Variants in ADAMTS13 observed in about 807,000 individuals in gnomAD.
ADAMTS13 encodes the protein A disintegrin and metalloproteinase with thrombospondin motifs 13.
In ADAMTS13, 110 loss-of-function variants were observed where a neutral mutation model predicts 155.1. The observed-to-expected ratio is 0.71, with a 90% CI of 0.61 to 0.83. ADAMTS13 has a LOEUF of 0.83. Among genes scored for constraint, ADAMTS13 ranks in the 40% least tolerant of loss-of-function variants. ADAMTS13 has a pLI of 0.00. For synonymous variants in ADAMTS13, 758 were observed against 756.4 expected (o/e 1.00, Z -0.03); for missense variants, 1,707 against 1,891.7 (o/e 0.90, Z 1.81).
At position 133,422,568 on chromosome 9, in the gene ADAMTS13, C is replaced by CG. The variant is rs781884204; in HGVS notation, c.105+25dup. Reference sequence around the variant, plus strand: ...CAGCAGGTGGGCTCATTTGCAGGAGCGGGGGTATTCTGGGAGCCTCTGGGT... The same window carrying CG: ...CAGCAGGTGGGCTCATTTGCAGGAGCGGGGGGTATTCTGGGAGCCTCTGGGT... On this transcript the variant is annotated intron_variant, in intron 1 of 28. Coordinates refer to ENST00000355699, the MANE Select transcript of ADAMTS13 (RefSeq NM_139027.6). 8.1e-6 allele frequency: 13 copies of CG among 1,612,482 alleles called. No homozygotes were observed. In the East Asian group the frequency reaches 8.9e-5, roughly 11 times the overall value.
At chr9:133,433,236 G>A (rs1185509063) in intron 9 of ADAMTS13, 142 bp from the exon 10 acceptor site, 29 of 1,130,514 alleles carry the variant, frequency 2.6e-5, no homozygotes, top group Non-Finnish European at 3.7e-5. Context: ...TGAGTTCCTT[G>A]TGTGTGTTTG....
chr9:133,426,379 GCAAGGAGCTGACC>G (rs1385033318), intron 6 of ADAMTS13, 34 bp downstream of exon 6: 4 of 1,598,476 alleles, frequency 2.5e-6, no homozygotes, highest in Admixed American at 1.7e-5. Context: ...CCAGGATCTG[GCAAGGAGCTGACC>G]TGGGTACCCA....
chr9:133,435,024 G>A (rs914637037), intron 11 of ADAMTS13, among the ~76,000 whole-genome samples: 3 of 152,120 alleles, frequency 2.0e-5, no homozygotes, highest in African/African-American at 4.8e-5. Context: ...TCATCCAGTC[G>A]TCTGCTGATG....
At chr9:133,430,267 T>C in intron 8 of ADAMTS13, 166 bp downstream of exon 8, 1 of 914,548 alleles carries the variant, frequency 1.1e-6, no homozygotes, top group Non-Finnish European at 1.7e-6. Flanking sequence ...CTAGAAATTA[T>C]TTAAAATGTT....
chr9:133,442,804 G>A, intron 18 of ADAMTS13, 61 bp downstream of exon 18: 1 of 1,554,760 alleles, frequency 6.4e-7, no homozygotes, highest in Non-Finnish European at 8.7e-7. Flanking sequence ...GGGGCTGCTG[G>A]GCTCTGTCCC....
upstream of ADAMTS13, chr9:133,417,691 C>A: frequency 6.2e-7 from 1 of 1,614,146 alleles, no homozygotes; most frequent in South Asian, 1.1e-5. Flanking sequence ...GCACCGGGGC[C>A]GCTTGCTGGC....
At chr9:133,430,727 C>G (rs1294574570) in intron 8 of ADAMTS13, among the ~76,000 whole-genome samples, 3 of 144,812 alleles carry the variant, frequency 2.1e-5, no homozygotes, top group African/African-American at 7.9e-5. Context: ...GAGTCTCCCT[C>G]TCTGCTCACT....
Position 133,448,618 on chromosome 9 carries a change from C to A in ADAMTS13, c.2751C>A (p.Phe917Leu). The A allele has an allele frequency of 6.2e-7, 1 of 1,610,502 alleles. No individual in the cohort carries two copies. The highest frequency in any genetic ancestry group is 8.5e-7 in the Non-Finnish European group (1 of 1,179,956). The change falls in exon 22 of 29, where the codon TTC becomes TTA. Residue 917 changes from phenylalanine to leucine, a missense_variant. Physicochemically the swap from Phe to Leu is conservative, Grantham distance 22. Coordinates refer to ENST00000355699, the MANE Select transcript of ADAMTS13 (RefSeq NM_139027.6). The part of the protein sequence containing the change: ...SCGRGLMELR[F>L]LCMDSALRVP... ...ACGCAGGTCTGATGGAGCTGCGTTT[C>A]CTGTGCATGGACTCTGCCCTCAGGG... is the stretch of plus-strand genomic sequence containing the variant.
intron 11 of ADAMTS13, among the ~76,000 whole-genome samples, chr9:133,433,940 AC>A (rs1436652802): frequency 6.6e-6 from 1 of 151,998 alleles, no homozygotes; most frequent in African/African-American, 2.4e-5. Flanking sequence ...TACAGAAAAT[AC>A]AAAAATTAGC....
At chr9:133,418,554 C>T (rs370938662), upstream of ADAMTS13, among the ~76,000 whole-genome samples, 6 of 152,338 alleles carry the variant, frequency 3.9e-5, no homozygotes, top group East Asian at 1.2e-3. Context: ...GGCAGACTCA[C>T]GTCTCCAAAA....
chr9:133,445,125 A>T lies in ADAMTS13; in HGVS notation c.2610+73A>T. Reference sequence around the variant, plus strand: ...CTGGCTGGGAGAACGAGGAGCACCCATTGCCACCGTCCTCCAGGCCAGAGC... The same window carrying T: ...CTGGCTGGGAGAACGAGGAGCACCCTTTGCCACCGTCCTCCAGGCCAGAGC... On this transcript the variant is annotated intron_variant, in intron 20 of 28. Transcript: ENST00000355699. This position sits in a 1 kb window ranked among gnomAD's most constrained non-coding sequence, Gnocchi z 5.0. 1.3e-6 allele frequency: 2 copies of T among 1,506,508 alleles called. No individual in the cohort carries two copies. The highest frequency in any genetic ancestry group is 1.8e-6 in the Non-Finnish European group (2 of 1,111,530). The allele number at this position is 1,506,508 out of a possible 1,614,324, so 93.3% of individuals were successfully genotyped here.
At chr9:133,417,629 C>A (rs1009062814), upstream of ADAMTS13, 1 of 1,613,634 alleles carries the variant, frequency 6.2e-7, no homozygotes, top group South Asian at 1.1e-5. Flanking sequence ...CCTCTTGCAG[C>A]GCCTTCCAGT....
intron 14 of ADAMTS13, among the ~76,000 whole-genome samples, chr9:133,438,886 G>C (rs1205866102): frequency 7.0e-6 from 1 of 142,816 alleles, no homozygotes; most frequent in Admixed American, 7.6e-5. Flanking sequence ...ACTCCAGCCC[G>C]GGCAACAGAG....
chr9:133,441,921 C>T lies in ADAMTS13; in HGVS notation c.1969-478C>T, dbSNP rs927444680. ...CTCCTCCACTGCACTTTATCCTCTACCCAGCCAGCTTAGGGAACCTTCTCT... is the reference window on the plus strand; with the variant it reads ...CTCCTCCACTGCACTTTATCCTCTATCCAGCCAGCTTAGGGAACCTTCTCT... On this transcript the variant is annotated intron_variant, in intron 16 of 28. Transcript: ENST00000355699. This position sits in a 1 kb window ranked among gnomAD's most constrained non-coding sequence, Gnocchi z 5.0. Among the ~76,000 whole-genome samples, 14 of 152,156 alleles carry T rather than the reference C, an allele frequency of 9.2e-5. No homozygotes were observed.
At chr9:133,457,107 T>A (rs587638183) in intron 27 of ADAMTS13, 11 of 345,636 alleles carry the variant, frequency 3.2e-5, no homozygotes, top group South Asian at 2.0e-4. Context: ...TAAGCAGACA[T>A]GCTTGTACAT....
At chr9:133,438,036 T>C (rs1841384789) in intron 13 of ADAMTS13, 139 bp downstream of exon 13, 1 of 1,535,630 alleles carries the variant, frequency 6.5e-7, no homozygotes, top group South Asian at 1.1e-5. Flanking sequence ...GAAAAGGATC[T>C]GGACTTGGAG....
At position 133,448,497 on chromosome 9, in the gene ADAMTS13, A is replaced by T. The variant is rs1010860359; in HGVS notation, c.2732-102A>T. On this transcript the variant is annotated intron_variant, in intron 21 of 28. Transcript: ENST00000355699. ...GGTAAGTGGCAGAGCCGGGATTGAA[A>T]CCCATGCGGGCCTTATGTGCTAGAG... 2.0e-6 allele frequency: 3 copies of T among 1,514,116 alleles called. No individual in the cohort carries two copies. In the African/African-American group the frequency reaches 4.1e-5, roughly 21 times the overall value. The allele number at this position is 1,514,116 out of a possible 1,614,324, so 93.8% of individuals were successfully genotyped here.
exon 1 of ADAMTS13, chr9:133,414,563 G>A: frequency 1.0e-6 from 1 of 992,156 alleles, no homozygotes; most frequent in South Asian, 1.3e-5. Flanking sequence ...TCAGGGTAAA[G>A]TGATGGAGAG....
chr9:133,442,038 A>C (rs1554790913), intron 16 of ADAMTS13, among the ~76,000 whole-genome samples: 1 of 152,160 alleles, frequency 6.6e-6, no homozygotes, highest in Non-Finnish European at 1.5e-5. Flanking sequence ...AGCTCCTTGC[A>C]GCTCAGCCAG....
Sources: allele counts gnomAD v4.1 joint callset (sites outside exome capture counted in the v4.1 genomes callset), GRCh38; gene constraint gnomAD v4.1.1; non-coding constraint Gnocchi (gnomAD v3.1); transcripts MANE v1.5; gene names NCBI Gene and HGNC (gene_info 2026-07-23, HGNC 2026-07-21).